The following DSTYK variants were observed in gnomAD, a reference collection of about 807,000 sequenced individuals.
DSTYK encodes the protein dual serine/threonine and tyrosine protein kinase.
DSTYK carries 34 observed loss-of-function variants against 98.7 expected under a neutral mutation model. The observed-to-expected ratio is 0.34, with a 90% confidence interval of 0.26 to 0.46. The LOEUF is 0.46. Ranked by LOEUF, DSTYK falls within the 20% of genes least tolerant of loss-of-function variation. The pLI, the probability that DSTYK is intolerant of heterozygous loss-of-function variation, is 1.00. For synonymous variants in DSTYK, 462 were observed against 457.3 expected, an observed-to-expected ratio of 1.01 and a Z score of -0.13; for missense variants, 962 against 1,181.7, an observed-to-expected ratio of 0.81 and a Z score of 2.73.
chr1:205,181,454 A>G (rs1331220189), intron 2 of DSTYK, among the ~76,000 whole-genome samples: 1 of 152,020 alleles, frequency 6.6e-6, no homozygotes, highest in Non-Finnish European at 1.5e-5. Context: ...TCCCTGGTTC[A>G]AGTGATTCTC....
chr1:205,159,090 T>TAAAA (rs1657640557), intron 9 of DSTYK, among the ~76,000 whole-genome samples: 1 of 151,840 alleles, frequency 6.6e-6, no homozygotes, highest in African/African-American at 2.4e-5. Flanking sequence ...TTTAAAAATT[T>TAAAA]TTTTTTTTTA....
rs1247800487 is a variant in DSTYK, at chr1:205,160,279, TAC to T, written c.1949-11_1949-10del. The T allele has an allele frequency of 6.2e-7, 1 of 1,611,796 alleles. No individual in the cohort carries two copies. The highest frequency in any genetic ancestry group is 8.5e-7 in the Non-Finnish European group (1 of 1,179,178). On this transcript the variant is annotated splice_polypyrimidine_tract_variant and intron_variant, in intron 7 of 12. Coordinates refer to ENST00000367162, the MANE Select transcript of DSTYK (RefSeq NM_015375.3). Reference sequence around the variant, plus strand: ...TCCCAGTTTAGGTTTACCTATAAGGTACAGAGACAGAGATAAGGCAGGAGGAA... The same window carrying T: ...TCCCAGTTTAGGTTTACCTATAAGGTAGAGACAGAGATAAGGCAGGAGGAA...
chr1:205,146,937 A>G lies in DSTYK; in HGVS notation c.*621T>C, dbSNP rs1440930544. On this transcript the variant is annotated 3_prime_UTR_variant, in exon 13 of 13. Transcript: ENST00000367162. ...TGTAACAGTGAAACCCTCCCCCAGA[A>G]ACCAGGGATATGTGGTCCTATAAAT... The G allele has an allele frequency of 6.6e-6, 1 of 152,038 alleles. No homozygotes were observed. The highest frequency in any genetic ancestry group is 2.4e-5 in the African/African-American group (1 of 41,194). The allele number at this position is 152,038 out of a possible 1,614,324, so 9.4% of individuals were successfully genotyped here.
rs148037284 is a variant in DSTYK, at chr1:205,201,135, C to T, written c.265+10136G>A. Among the ~76,000 whole-genome samples, 33 of 152,154 alleles carry T rather than the reference C, an allele frequency of 2.2e-4. No homozygotes were observed. The East Asian group carries it at 6.4e-3, about 29-fold the overall frequency. ...GGTCAGGCTGCTCTCGAACTCCTGA[C>T]CTCATGTTATCCACCCGCCTTGGCC... On this transcript the variant is annotated intron_variant, in intron 1 of 12. Transcript: ENST00000367162.
intron 1 of DSTYK, among the ~76,000 whole-genome samples, chr1:205,207,465 C>T (rs544387880): frequency 6.6e-6 from 1 of 151,558 alleles, no homozygotes; most frequent in South Asian, 2.1e-4. Flanking sequence ...AAAATACTTT[C>T]CCATGCCGGG....
At chr1:205,197,996 C>A (rs1044910328) in intron 1 of DSTYK, among the ~76,000 whole-genome samples, 2 of 152,114 alleles carry the variant, frequency 1.3e-5, no homozygotes, top group Non-Finnish European at 2.9e-5. Flanking sequence ...GAGTTTGAGA[C>A]CAGCCTGACC....
intron 2 of DSTYK, among the ~76,000 whole-genome samples, chr1:205,177,753 G>C (rs1658273749): frequency 6.6e-6 from 1 of 151,886 alleles, no homozygotes; most frequent in Admixed American, 6.6e-5. Flanking sequence ...TGTAATCCCA[G>C]TTACTCAGGA....
rs1657751999 is a variant in DSTYK at position 205,162,331 on chromosome 1, G to GT, written c.1642-120_1642-119insA. 3.3e-6 allele frequency: 4 copies of GT among 1,198,044 alleles called. No homozygotes were observed. The East Asian group carries it at 9.7e-5, about 29-fold the overall frequency. 74.2% of individuals were successfully genotyped at this position (1,198,044 alleles called of 1,614,324 possible). On this transcript the variant is annotated intron_variant, in intron 5 of 12. Coordinates refer to ENST00000367162, the MANE Select transcript of DSTYK (RefSeq NM_015375.3). ...TTAAGAGCAGGCTCATAAGATGGGA[G>GT]CCATACGAAGTCCAAAGTTCCTTTC...
At position 205,150,925 on chromosome 1, in the gene DSTYK, C is replaced by T; in HGVS notation, c.2353-131G>A. ...GGATTATGCTCTGAAAATGAGTTGT[C>T]AGGTGATTTCATCCTTGTACAAACA... On this transcript the variant is annotated intron_variant, in intron 10 of 12. Coordinates refer to ENST00000367162, the MANE Select transcript of DSTYK (RefSeq NM_015375.3). The surrounding 1 kb of genome is among the most constrained non-coding windows in gnomAD (Gnocchi z 4.1). 1.4e-6 allele frequency: 1 copy of T among 735,224 alleles called. No individual in the cohort carries two copies. Among genetic ancestry groups the T allele is most frequent in the Non-Finnish European group, 2.4e-6 (1 of 423,564 alleles). 45.5% of individuals were successfully genotyped at this position (735,224 alleles called of 1,614,324 possible).
intron 2 of DSTYK, among the ~76,000 whole-genome samples, chr1:205,172,730 A>G (rs1658102813): frequency 6.6e-6 from 1 of 152,184 alleles, no homozygotes; most frequent in African/African-American, 2.4e-5. Context: ...TTGCCTGGCC[A>G]CTTTGAACTC....
chr1:205,199,509 T>C (rs1028335083), intron 1 of DSTYK, among the ~76,000 whole-genome samples: 7 of 152,194 alleles, frequency 4.6e-5, no homozygotes, highest in East Asian at 1.9e-4. Flanking sequence ...TCTACATCTG[T>C]TCTCCTCTGG....
rs763457185 is a variant in DSTYK at position 205,159,654 on chromosome 1, C to A, written c.2131G>T (p.Val711Leu). 3 of 1,613,692 alleles carry A rather than the reference C, an allele frequency of 1.9e-6. No individual in the cohort carries two copies. In the Admixed American group the frequency reaches 5.0e-5, roughly 27 times the overall value. Residue 711 changes from valine (V) to leucine (L), a missense_variant, in exon 9 of 13, where the codon GTG becomes TTG. Transcript: ENST00000367162. Reference protein sequence around the residue: ...MRSLPKHERLVDLHGSVIDYN... With the variant: ...MRSLPKHERLLDLHGSVIDYN... ...TCAATGACTGAACCATGGAGATCCA[C>A]CAATCGCTCATGCTTCGGCAGAGAC...
chr1:205,168,040 A>C (rs1347617308), intron 3 of DSTYK, among the ~76,000 whole-genome samples: 1 of 152,210 alleles, frequency 6.6e-6, no homozygotes, highest in Non-Finnish European at 1.5e-5. Context: ...CAGGAGGCGG[A>C]GGTTGCAGTG....
chr1:205,148,903 G>GTTT (rs201437284), intron 11 of DSTYK, among the ~76,000 whole-genome samples: 1 of 135,732 alleles, frequency 7.4e-6, no homozygotes, highest in Non-Finnish European at 1.6e-5. Context: ...ATTAGAAAGT[G>GTTT]TTTTTTTTTT....
intron 2 of DSTYK, among the ~76,000 whole-genome samples, chr1:205,180,942 G>A (rs568162135): frequency 2.0e-5 from 3 of 152,328 alleles, no homozygotes; most frequent in African/African-American, 7.2e-5. Context: ...GTATGCTAGT[G>A]CATGCTAGGG....
intron 2 of DSTYK, among the ~76,000 whole-genome samples, chr1:205,170,043 AAAG>A (rs148118687): frequency 0.014 from 2,099 of 152,356 alleles, 27 homozygotes; most frequent in Middle Eastern, 0.037. Flanking sequence ...GTGAAAAAAC[AAAG>A]AAGTAGAAAG....
At chr1:205,172,529 T>C (rs1284904703) in intron 2 of DSTYK, among the ~76,000 whole-genome samples, 4 of 150,176 alleles carry the variant, frequency 2.7e-5, no homozygotes, top group African/African-American at 9.8e-5. Flanking sequence ...GTTGCCCAGG[T>C]TGGTCTTGAA....
chr1:205,161,371 G>A lies in DSTYK; in HGVS notation c.1835C>T (p.Ser612Leu). 6.2e-7 allele frequency: 1 copy of A among 1,614,138 alleles called. No homozygotes were observed. Residue 612 changes from serine to leucine, a missense_variant, in exon 7 of 13, where the codon TCA (serine) becomes TTA (leucine). Around this residue, in one of 4 missense-constraint regions of DSTYK, gnomAD observed 660 missense variants for 855.0 expected, o/e 0.77. Transcript: ENST00000367162. The part of the protein sequence containing the change: ...ASLRQLEAGH[S>L]GRLEKTEDLW... The stretch of plus-strand genomic sequence containing the variant: ...ATCTTCCGTTTTCTCTAACCGGCCT[G>A]AGTGGCCAGCTTCCAGCTGGGAGAG...
At chr1:205,208,093 T>C (rs1659262105) in intron 1 of DSTYK, among the ~76,000 whole-genome samples, 1 of 152,108 alleles carries the variant, frequency 6.6e-6, no homozygotes, top group Admixed American at 6.5e-5. Context: ...TTGGCCAGGC[T>C]GGTCTCCAAC....
Sources: allele counts gnomAD v4.1 joint callset (sites outside exome capture counted in the v4.1 genomes callset), GRCh38; gene constraint gnomAD v4.1.1; regional missense constraint gnomAD v4.1.1; non-coding constraint Gnocchi (gnomAD v3.1); transcripts MANE v1.5; gene names NCBI Gene and HGNC (gene_info 2026-07-23, HGNC 2026-07-21).